SMAP2: variants seen among roughly 807,000 people sequenced by gnomAD.
SMAP2 encodes the protein small ArfGAP2, also known as stromal membrane-associated protein 2.
In SMAP2, 25 loss-of-function variants were observed where a neutral mutation model predicts 56.4. The observed-to-expected ratio is 0.44, with a 90% CI of 0.32 to 0.62. The LOEUF is 0.62. SMAP2 is among the 20% of genes least tolerant of loss of function. The pLI is 0.04. For missense variants in SMAP2, 388 were observed against 545.6 expected (o/e 0.71, Z 2.88); for synonymous variants, 157 against 181.7 (o/e 0.86, Z 1.09).
At chr1:40,351,677 A>G (rs1244786841) in intron 1 of SMAP2, among the ~76,000 whole-genome samples, 2 of 151,882 alleles carry the variant, frequency 1.3e-5, no homozygotes, top group African/African-American at 2.4e-5. Flanking sequence ...CTAATTTTGT[A>G]TTTTTAGTAG....
intron 1 of SMAP2, chr1:40,393,248 C>A: frequency 7.4e-7 from 1 of 1,360,114 alleles, no homozygotes; most frequent in Non-Finnish European, 9.7e-7. Flanking sequence ...ATTGCTTGAG[C>A]ATAGGAGATT....
chr1:40,412,286 C>T (rs1432396426), intron 4 of SMAP2, among the ~76,000 whole-genome samples: 3 of 152,076 alleles, frequency 2.0e-5, no homozygotes, highest in Non-Finnish European at 4.4e-5. Context: ...AGAATTTGTA[C>T]CATTTTACTC....
At chr1:40,381,538 G>A (rs762567026) in intron 1 of SMAP2, among the ~76,000 whole-genome samples, 25 of 152,074 alleles carry the variant, frequency 1.6e-4, no homozygotes, top group Admixed American at 3.3e-4. Flanking sequence ...AAGGTGCACT[G>A]TTTTGTGTGT....
chr1:40,401,648 G>T (rs1049340322), intron 1 of SMAP2, among the ~76,000 whole-genome samples: 10 of 152,308 alleles, frequency 6.6e-5, no homozygotes, highest in African/African-American at 2.4e-4. Flanking sequence ...GGCAGCTTTG[G>T]TGGTGGGGGA....
Position 40,417,031 on chromosome 1 carries a change from G to T in SMAP2, c.1099G>T (p.Ala367Ser). The part of the protein sequence containing the change: ...TQQAGYMAGM[A>S]AMPQTVYGVQ... The stretch of plus-strand genomic sequence containing the variant: ...GCAGGCTGGCTACATGGCAGGCATG[G>T]CAGCTATGCCCCAGACTGTGTATGG... Residue 367 changes from alanine (A) to serine (S), a missense_variant, in exon 9 of 10, where the codon GCA becomes TCA. By Grantham distance (99) the Ala-to-Ser change is moderately conservative. Coordinates refer to ENST00000372718, the MANE Select transcript of SMAP2 (RefSeq NM_022733.3). 6.2e-7 allele frequency: 1 copy of T among 1,614,092 alleles called. No homozygotes were observed. Among genetic ancestry groups the T allele is most frequent in the Admixed American group, 1.7e-5 (1 of 60,026 alleles).
intron 1 of SMAP2, among the ~76,000 whole-genome samples, chr1:40,397,705 A>G (rs1254061164): frequency 1.3e-5 from 2 of 152,142 alleles, no homozygotes; most frequent in African/African-American, 2.4e-5. Flanking sequence ...CTCATAGTCT[A>G]TTTAGGACAA....
At chr1:40,347,238 G>A (rs569256224) in intron 1 of SMAP2, among the ~76,000 whole-genome samples, 2 of 85,334 alleles carry the variant, frequency 2.3e-5, no homozygotes, top group East Asian at 7.0e-4. Context: ...TTGTGTGTGT[G>A]TGTTTTGTTT....
At position 40,374,326 on chromosome 1, in the gene SMAP2, C is replaced by A; in HGVS notation, c.103+103C>A. The A allele has an allele frequency of 1.0e-6, 1 of 966,842 alleles. No individual in the cohort carries two copies. Among genetic ancestry groups the A allele is most frequent in the Non-Finnish European group, 1.6e-6 (1 of 617,620 alleles). The allele number at this position is 966,842 out of a possible 1,614,324, so 59.9% of individuals were successfully genotyped here. ...CTGAAGCTTAGGCCGCCCAACTCGG[C>A]TTATAAGTGGTAACGCGTGCTGCGC... is the stretch of plus-strand genomic sequence containing the variant. On this transcript the variant is annotated intron_variant, in intron 1 of 9. Transcript: ENST00000372718. This position sits in a 1 kb window ranked among gnomAD's most constrained non-coding sequence, Gnocchi z 5.9.
intron 2 of SMAP2, 108 bp downstream of exon 2, chr1:40,406,977 G>T (rs1189374634): frequency 1.7e-6 from 2 of 1,197,814 alleles, no homozygotes; most frequent in Non-Finnish European, 1.2e-6. Flanking sequence ...GGAAAATTTA[G>T]TTGTTAAACA....
intron 1 of SMAP2, among the ~76,000 whole-genome samples, chr1:40,405,764 TGGG>T (rs992226047): frequency 2.6e-5 from 4 of 152,234 alleles, no homozygotes; most frequent in Admixed American, 1.3e-4. Context: ...TTTTCTTTCC[TGGG>T]TAAAAATTAT....
chr1:40,392,568 G>A (rs1240781020), intron 1 of SMAP2, among the ~76,000 whole-genome samples: 1 of 152,108 alleles, frequency 6.6e-6, no homozygotes. Flanking sequence ...GAGAAGCCAT[G>A]TCTCATCCAC....
At chr1:40,396,282 C>A (rs1644771547) in intron 1 of SMAP2, among the ~76,000 whole-genome samples, 1 of 152,262 alleles carries the variant, frequency 6.6e-6, no homozygotes, top group East Asian at 1.9e-4. Context: ...GTCTAATAGA[C>A]AAACCAACTA....
At chr1:40,407,742 C>T (rs1326597332) in intron 2 of SMAP2, among the ~76,000 whole-genome samples, 1 of 151,826 alleles carries the variant, frequency 6.6e-6, no homozygotes, top group African/African-American at 2.4e-5. Flanking sequence ...CATAATTAAC[C>T]TTAAAAGTAT....
chr1:40,389,425 G>A (rs1407230503), intron 1 of SMAP2, among the ~76,000 whole-genome samples: 1 of 152,158 alleles, frequency 6.6e-6, no homozygotes, highest in Admixed American at 6.5e-5. Context: ...TCCCTATTAT[G>A]AGCAGCATTA....
chr1:40,413,149 T>C (rs539771824), intron 5 of SMAP2, 47 bp downstream of exon 5: 2 of 1,446,834 alleles, frequency 1.4e-6, no homozygotes, highest in Non-Finnish European at 1.9e-6. Flanking sequence ...CAGGTATGTG[T>C]ATATTTGTGA....
chr1:40,399,140 T>C (rs1270890453), intron 1 of SMAP2, among the ~76,000 whole-genome samples: 2 of 151,658 alleles, frequency 1.3e-5, no homozygotes, highest in African/African-American at 2.4e-5. Flanking sequence ...ATTTCATTGA[T>C]TTATTTTTAT....
At chr1:40,393,304 A>G (rs1444469829) in intron 1 of SMAP2, 22 of 1,513,718 alleles carry the variant, frequency 1.5e-5, no homozygotes, top group East Asian at 2.5e-5. Flanking sequence ...AACAAACCCT[A>G]TCTTAGAAGA....
At chr1:40,382,898 G>A (rs1644612711) in intron 1 of SMAP2, among the ~76,000 whole-genome samples, 1 of 152,058 alleles carries the variant, frequency 6.6e-6, no homozygotes, top group African/African-American at 2.4e-5. Flanking sequence ...ATCTGTAAAT[G>A]TTTTGTTTCA....
intron 1 of SMAP2, among the ~76,000 whole-genome samples, chr1:40,362,034 C>G (rs551506870): frequency 6.6e-6 from 1 of 152,098 alleles, no homozygotes; most frequent in Non-Finnish European, 1.5e-5. Flanking sequence ...TATCTTGGGG[C>G]GAGCAAGTGC....
Sources: gnomAD v4.1 joint callset for allele counts (sites outside exome capture counted in the v4.1 genomes callset) on GRCh38, gnomAD v4.1.1 for gene constraint, Gnocchi (gnomAD v3.1) non-coding constraint, MANE v1.5 for transcripts, NCBI Gene and HGNC (gene_info 2026-07-23, HGNC 2026-07-21) for gene names.